Variants in CHD6 observed in about 807,000 individuals in gnomAD.
CHD6 encodes the protein chromodomain helicase DNA binding protein 6.
Under a neutral mutation model 276.9 loss-of-function variants are expected in CHD6, and 50 were observed. The observed-to-expected ratio is 0.18, with a 90% CI of 0.14 to 0.23. The LOEUF (loss-of-function observed/expected upper bound fraction) is 0.23. Ranked by LOEUF, CHD6 falls within the 10% of genes least tolerant of loss-of-function variation. The pLI is 1.00. For synonymous variants in CHD6, 1,173 were observed against 1,229.3 expected (o/e 0.95, Z 0.96); for missense variants, 2,564 against 3,365.8 (o/e 0.76, Z 5.89).
intron 16 of CHD6, among the ~76,000 whole-genome samples, chr20:41,476,921 G>A (rs1400061021): frequency 1.3e-5 from 2 of 152,024 alleles, no homozygotes; most frequent in African/African-American, 4.8e-5. Flanking sequence ...TTTTTCTGGA[G>A]TTAGGGGCTG....
At chr20:41,549,198 GT>G (rs1397666694) in intron 2 of CHD6, among the ~76,000 whole-genome samples, 1 of 151,948 alleles carries the variant, frequency 6.6e-6, no homozygotes, top group East Asian at 1.9e-4. Context: ...GCACACGTAT[GT>G]TTATTGTGGC....
chr20:41,462,728 G>A (rs758550529), intron 17 of CHD6, among the ~76,000 whole-genome samples: 15 of 152,074 alleles, frequency 9.9e-5, no homozygotes, highest in East Asian at 1.9e-4. Flanking sequence ...AAATAGATAC[G>A]GATATGCATG....
intron 1 of CHD6, among the ~76,000 whole-genome samples, chr20:41,590,080 G>C (rs534413841): frequency 7.2e-5 from 11 of 152,210 alleles, no homozygotes; most frequent in Admixed American, 6.5e-4. Flanking sequence ...ACCATCTGAT[G>C]TTTGACAAAC....
intron 25 of CHD6, among the ~76,000 whole-genome samples, chr20:41,444,050 C>T (rs2047985771): frequency 6.6e-6 from 1 of 152,156 alleles, no homozygotes; most frequent in Non-Finnish European, 1.5e-5. Context: ...TGGCAATGTG[C>T]CCTAAAACCA....
intron 3 of CHD6, among the ~76,000 whole-genome samples, chr20:41,520,438 A>G (rs1410412944): frequency 5.3e-5 from 8 of 152,156 alleles, no homozygotes; most frequent in South Asian, 2.1e-4. Flanking sequence ...CAACAATGAT[A>G]GACTGGATTA....
intron 17 of CHD6, among the ~76,000 whole-genome samples, chr20:41,469,783 C>T (rs966265968): frequency 6.6e-6 from 1 of 152,184 alleles, no homozygotes; most frequent in African/African-American, 2.4e-5. Context: ...AAGATCTCCC[C>T]ATTAAGGGGA....
chr20:41,603,568 T>A (rs1601188164), intron 1 of CHD6, among the ~76,000 whole-genome samples: 1 of 151,950 alleles, frequency 6.6e-6, no homozygotes, highest in East Asian at 1.9e-4. Flanking sequence ...ACATTGAATT[T>A]AAAAAATTCA....
intron 3 of CHD6, among the ~76,000 whole-genome samples, chr20:41,526,663 A>T (rs575323725): frequency 1.6e-3 from 241 of 152,358 alleles, no homozygotes; most frequent in African/African-American, 5.3e-3. Flanking sequence ...CTCTGGGCTG[A>T]CAAACCAAAC....
At position 41,451,995 on chromosome 20, in the gene CHD6, A is replaced by G. The variant is rs769872267; in HGVS notation, c.3354T>C (p.His1118=). The change falls in exon 22 of 37, where the codon CAT becomes CAC. Residue 1118 remains histidine (H), a synonymous_variant. Coordinates refer to ENST00000373233, the MANE Select transcript of CHD6 (RefSeq NM_032221.5). ...CGTTCAGATGCCACTTGAATCGGCCATGAGTCAGGATGTCCTTCCACCGGC... is the reference window on the plus strand; with the variant it reads ...CGTTCAGATGCCACTTGAATCGGCCGTGAGTCAGGATGTCCTTCCACCGGC... The part of the protein sequence containing the change: ...GWGRWKDILT[H]GRFKWHLNEK... 6 of 1,613,976 alleles carry G rather than the reference A, an allele frequency of 3.7e-6. No homozygotes were observed. The African/African-American group carries it at 8.0e-5, about 22-fold the overall frequency.
chr20:41,564,218 T>C, intron 1 of CHD6: 1 of 593,594 alleles, frequency 1.7e-6, no homozygotes, highest in East Asian at 2.9e-5. Context: ...CTTAAACATG[T>C]TTTGGGGCGC....
chr20:41,459,202 A>AC (rs1458351965), intron 17 of CHD6, among the ~76,000 whole-genome samples: 12 of 152,068 alleles, frequency 7.9e-5, no homozygotes, highest in Admixed American at 6.5e-4. Context: ...TCTTCCCCTA[A>AC]CCTCATGGCT....
intron 5 of CHD6, among the ~76,000 whole-genome samples, chr20:41,504,403 C>CTTTTTTTTTT (rs200549678): frequency 5.0e-4 from 55 of 109,920 alleles, no homozygotes; most frequent in Non-Finnish European, 6.3e-4. Context: ...CCTCTATTTT[C>CTTTTTTTTTT]TTTTTTTTTT....
intron 25 of CHD6, among the ~76,000 whole-genome samples, chr20:41,445,274 T>C (rs1187570079): frequency 6.6e-6 from 1 of 152,164 alleles, no homozygotes; most frequent in Non-Finnish European, 1.5e-5. Flanking sequence ...ACCTTATAAT[T>C]CTGCATATAT....
Position 41,484,386 on chromosome 20 carries a change from C to T in CHD6, c.2223G>A (p.Leu741=). ...GGTAGGGATGGTTACAGCACTTCCT[C>T]AGCTCCATCATGGTGTTGATGAGAT... is the stretch of plus-strand genomic sequence containing the variant. ...MPNLINTMME[L]RKCCNHPYLI... Residue 741 remains leucine, a synonymous_variant, in exon 15 of 37, where the codon CTG becomes CTA. Coordinates refer to ENST00000373233, the MANE Select transcript of CHD6 (RefSeq NM_032221.5). The T allele has an allele frequency of 6.2e-7, 1 of 1,613,836 alleles. No individual in the cohort carries two copies. The highest frequency in any genetic ancestry group is 1.1e-5 in the South Asian group (1 of 91,072).
intron 16 of CHD6, among the ~76,000 whole-genome samples, chr20:41,475,433 TAAG>T (rs1231005390): frequency 6.6e-6 from 1 of 152,172 alleles, no homozygotes; most frequent in African/African-American, 2.4e-5. Flanking sequence ...CCTAAACACT[TAAG>T]AAGAGAAATG....
intron 2 of CHD6, among the ~76,000 whole-genome samples, chr20:41,546,709 T>TA (rs1354073363): frequency 5.9e-5 from 9 of 152,240 alleles, no homozygotes; most frequent in African/African-American, 1.9e-4. Context: ...TTTATTTTTA[T>TA]AATTTTTTTC....
In CHD6 at chr20:41,493,692, G is replaced by A. The variant is rs1446428489; in HGVS notation, c.1180-20C>T. 1.2e-6 allele frequency: 2 copies of A among 1,612,568 alleles called. No individual in the cohort carries two copies. The highest frequency in any genetic ancestry group is 1.7e-6 in the Non-Finnish European group (2 of 1,179,392). On this transcript the variant is annotated intron_variant, in intron 9 of 36. Coordinates refer to ENST00000373233, the MANE Select transcript of CHD6 (RefSeq NM_032221.5). Reference sequence around the variant, plus strand: ...TACCTCCTGGTGGGAAAACAGGAAAGAAACTTAATGTTCTATTAGGTTAAA... The same window carrying A: ...TACCTCCTGGTGGGAAAACAGGAAAAAAACTTAATGTTCTATTAGGTTAAA...
At chr20:41,496,166 A>G (rs2043680751) in intron 8 of CHD6, among the ~76,000 whole-genome samples, 2 of 152,238 alleles carry the variant, frequency 1.3e-5, no homozygotes, top group Non-Finnish European at 2.9e-5. Context: ...TTAAACAGCC[A>G]TGTCCTACTC....
intron 16 of CHD6, among the ~76,000 whole-genome samples, chr20:41,482,887 TTCTC>T (rs1305500749): frequency 6.6e-6 from 1 of 152,164 alleles, no homozygotes. Context: ...CCCACATTCT[TTCTC>T]TGTGAGTTGC....
Sources: gnomAD v4.1 joint callset for allele counts (sites outside exome capture counted in the v4.1 genomes callset) on GRCh38, gnomAD v4.1.1 for gene constraint, MANE v1.5 for transcripts, NCBI Gene and HGNC (gene_info 2026-07-23, HGNC 2026-07-21) for gene names.